STXBP6: variants seen among roughly 807,000 people sequenced by gnomAD.
STXBP6 encodes the protein syntaxin binding protein 6, also known as syntaxin-binding protein 6.
In STXBP6, 21 loss-of-function variants were observed where a neutral mutation model predicts 26.9. The ratio of observed to expected loss-of-function variants is 0.78; its 90% confidence interval spans 0.55 to 1.12. The LOEUF is 1.12. STXBP6 is among the 50% of genes most tolerant of loss of function. The pLI is 0.00. For synonymous variants in STXBP6, 97 were observed against 92.6 expected, an observed-to-expected ratio of 1.05 and a Z score of -0.27; for missense variants, 232 against 257.9, an observed-to-expected ratio of 0.90 and a Z score of 0.69.
intron 1 of STXBP6, among the ~76,000 whole-genome samples, chr14:25,024,511 C>A (rs76492600): frequency 0.14 from 20,612 of 151,976 alleles, 1,633 homozygotes; most frequent in African/African-American, 0.21. Flanking sequence ...TCCACCAGTC[C>A]AGCTCCTGGG....
At chr14:24,829,604 A>G (rs920387270) in intron 4 of STXBP6, among the ~76,000 whole-genome samples, 2 of 152,044 alleles carry the variant, frequency 1.3e-5, no homozygotes, top group African/African-American at 4.8e-5. Context: ...CTTTCCTTCT[A>G]TAATCACCTA....
At chr14:24,833,191 G>A (rs573358932) in intron 4 of STXBP6, among the ~76,000 whole-genome samples, 11 of 152,248 alleles carry the variant, frequency 7.2e-5, no homozygotes, top group African/African-American at 2.6e-4. Context: ...GTTACACCAA[G>A]GATATGAGCA....
chr14:24,868,729 T>C (rs2069813662), intron 2 of STXBP6, among the ~76,000 whole-genome samples: 1 of 152,172 alleles, frequency 6.6e-6, no homozygotes, highest in Non-Finnish European at 1.5e-5. Context: ...GGAAACCCTT[T>C]TGGAACTTCT....
chr14:24,853,695 AT>A (rs1201985134), intron 4 of STXBP6, among the ~76,000 whole-genome samples: 1 of 152,128 alleles, frequency 6.6e-6, no homozygotes, highest in East Asian at 1.9e-4. Context: ...CAATTCTGGC[AT>A]TTGGTTTTAT....
intron 2 of STXBP6, among the ~76,000 whole-genome samples, chr14:24,868,327 A>G (rs2069797817): frequency 6.6e-6 from 1 of 152,216 alleles, no homozygotes; most frequent in African/African-American, 2.4e-5. Flanking sequence ...TGGATGGAAA[A>G]TAAGCACATA....
At chr14:24,906,233 T>C (rs17185376) in intron 2 of STXBP6, among the ~76,000 whole-genome samples, 17,568 of 152,154 alleles carry the variant, frequency 0.12, 1,061 homozygotes, top group East Asian at 0.16. Context: ...TGTGTTACTT[T>C]TCAATTTACA....
intron 1 of STXBP6, among the ~76,000 whole-genome samples, chr14:24,979,740 C>G (rs2074138565): frequency 6.6e-6 from 1 of 152,166 alleles, no homozygotes; most frequent in South Asian, 2.1e-4. Context: ...GAACCAATCA[C>G]CAAGTCCTGT....
intron 2 of STXBP6, among the ~76,000 whole-genome samples, chr14:24,880,987 T>C (rs527470846): frequency 6.6e-6 from 1 of 152,344 alleles, no homozygotes; most frequent in African/African-American, 2.4e-5. Context: ...ACTTTTCAGA[T>C]ACTATCCTAC....
At chr14:25,038,119 G>A (rs1478315778) in intron 1 of STXBP6, among the ~76,000 whole-genome samples, 2 of 152,066 alleles carry the variant, frequency 1.3e-5, no homozygotes, top group East Asian at 3.9e-4. Context: ...CAAGAGGCAC[G>A]GAAAGATACT....
intron 2 of STXBP6, among the ~76,000 whole-genome samples, chr14:24,909,955 G>A (rs2071512996): frequency 6.6e-6 from 1 of 151,754 alleles, no homozygotes; most frequent in African/African-American, 2.4e-5. Flanking sequence ...CTTAATTTGG[G>A]CCGTAGTTTC....
chr14:24,874,567 T>C (rs2070065326), intron 2 of STXBP6, among the ~76,000 whole-genome samples: 1 of 152,098 alleles, frequency 6.6e-6, no homozygotes, highest in African/African-American at 2.4e-5. Context: ...ACAAGCTTTG[T>C]TCACCAAAGC....
chr14:24,874,889 C>T (rs1029165126), intron 2 of STXBP6, among the ~76,000 whole-genome samples: 3 of 152,130 alleles, frequency 2.0e-5, no homozygotes, highest in African/African-American at 7.2e-5. Context: ...GGAACACGCT[C>T]ATTAAAATGG....
At chr14:24,834,918 C>G (rs1435633171) in intron 4 of STXBP6, among the ~76,000 whole-genome samples, 1 of 152,124 alleles carries the variant, frequency 6.6e-6, no homozygotes, top group Non-Finnish European at 1.5e-5. Flanking sequence ...AAGTGCTTCT[C>G]AAGAGTTTTC....
At chr14:24,824,893 C>T (rs1309162322) in intron 4 of STXBP6, among the ~76,000 whole-genome samples, 1 of 152,172 alleles carries the variant, frequency 6.6e-6, no homozygotes, top group Non-Finnish European at 1.5e-5. Flanking sequence ...AACACATGCA[C>T]AGGGAGGTGA....
chr14:25,022,137 A>G (rs78009741), intron 1 of STXBP6, among the ~76,000 whole-genome samples: 20,663 of 152,204 alleles, frequency 0.14, 1,630 homozygotes, highest in African/African-American at 0.21. Context: ...AATGAGTTAC[A>G]CCAAAAGGAG....
At chr14:24,965,076 T>C (rs1345941036) in intron 2 of STXBP6, among the ~76,000 whole-genome samples, 4 of 152,142 alleles carry the variant, frequency 2.6e-5, no homozygotes, top group African/African-American at 9.7e-5. Context: ...CCTAATATTC[T>C]AGCTTTGGGG....
At position 24,889,930 on chromosome 14, in the gene STXBP6, G is replaced by C. The variant is rs569813110; in HGVS notation, c.155-32773C>G. Among the ~76,000 whole-genome samples, 7 of 152,322 alleles carry C rather than the reference G, an allele frequency of 4.6e-5. No homozygotes were observed. The East Asian group carries it at 1.4e-3, about 29-fold the overall frequency. ...AGTACAACTCCCCAACTGTACCAGA[G>C]AACTAAGCCACAAAGGGAGCTTCAC... On this transcript the variant is annotated intron_variant, in intron 2 of 5. Transcript: ENST00000323944.
intron 4 of STXBP6, among the ~76,000 whole-genome samples, chr14:24,841,799 G>T (rs150834916): frequency 1.3e-5 from 2 of 151,848 alleles, no homozygotes; most frequent in African/African-American, 4.8e-5. Context: ...ACATCTTAAC[G>T]TTTTTTCTAA....
chr14:24,852,351 C>G (rs2139138060), intron 4 of STXBP6, among the ~76,000 whole-genome samples: 1 of 152,282 alleles, frequency 6.6e-6, no homozygotes, highest in South Asian at 2.1e-4. Context: ...GCTTTGTCTA[C>G]ATAAGCAATC....
Sources: gnomAD v4.1 joint callset for allele counts (sites outside exome capture counted in the v4.1 genomes callset) on GRCh38, gnomAD v4.1.1 for gene constraint, MANE v1.5 for transcripts, NCBI Gene and HGNC (gene_info 2026-07-23, HGNC 2026-07-21) for gene names.